Variants in FRY observed in about 807,000 individuals in gnomAD.
FRY encodes the protein protein furry homolog.
Under a neutral mutation model 348.4 loss-of-function variants are expected in FRY, and 128 were observed. That is an observed-to-expected ratio of 0.37 (90% CI 0.32 to 0.43). The LOEUF (loss-of-function observed/expected upper bound fraction) is 0.43. FRY is among the 20% of genes least tolerant of loss of function. The pLI is 1.00. For missense variants in FRY, 2,736 were observed against 3,695.2 expected, an observed-to-expected ratio of 0.74 and a Z score of 6.73; for synonymous variants, 1,370 against 1,374.7, an observed-to-expected ratio of 1.00 and a Z score of 0.08.
Position 32,142,378 on chromosome 13 carries a change from T to C in FRY, c.1180-4904T>C, listed in dbSNP as rs12585506. Among the ~76,000 whole-genome samples, 53 of 152,354 alleles carry C rather than the reference T, an allele frequency of 3.5e-4. No homozygotes were observed. The East Asian group carries it at 9.6e-3, about 28-fold the overall frequency. ...TGCTGTGAAAATTAAAATGAGTTAA[T>C]ATAAGTGCAGCATTGATTAAAATAA... is the stretch of plus-strand genomic sequence containing the variant. On this transcript the variant is annotated intron_variant, in intron 11 of 60. Coordinates refer to ENST00000542859, the MANE Select transcript of FRY (RefSeq NM_023037.3).
chr13:32,108,499 G>A (rs1461706580), intron 3 of FRY, among the ~76,000 whole-genome samples: 1 of 152,098 alleles, frequency 6.6e-6, no homozygotes, highest in Non-Finnish European at 1.5e-5. Flanking sequence ...TCAAAAACAG[G>A]CAAAAATATG....
At chr13:32,179,103 G>A (rs1882542597) in intron 22 of FRY, 70 bp downstream of exon 22, 1 of 1,209,738 alleles carries the variant, frequency 8.3e-7, no homozygotes, top group South Asian at 1.3e-5. Context: ...AGAGTTCACA[G>A]TGCAAATTGC....
chr13:32,209,835 CCAGTTAGT>C, intron 33 of FRY, 104 bp downstream of exon 33: 3 of 1,164,864 alleles, frequency 2.6e-6, no homozygotes, highest in Non-Finnish European at 3.8e-6. Flanking sequence ...ATAGAAATGT[CCAGTTAGT>C]CACATGAATC....
At chr13:32,221,381 C>T (rs935052306) in intron 36 of FRY, among the ~76,000 whole-genome samples, 16 of 152,198 alleles carry the variant, frequency 1.1e-4, no homozygotes, top group Non-Finnish European at 1.9e-4. Context: ...AAGAATAAAC[C>T]AGCTGGTCTG....
At chr13:32,278,364 A>C (rs913290167) in intron 57 of FRY, 101 bp from the exon 58 acceptor site, 14 of 751,438 alleles carry the variant, frequency 1.9e-5, no homozygotes, top group Non-Finnish European at 3.2e-5. Flanking sequence ...TCATTTTACT[A>C]TTATTAGAAC....
In FRY at chr13:32,209,680, G is replaced by A. The variant is rs1345261465; in HGVS notation, c.4371G>A (p.Gln1457=). The change falls in exon 33 of 61, where the codon CAG becomes CAA. Residue 1457 remains glutamine, a synonymous_variant. Transcript: ENST00000542859. The part of the protein sequence containing the change: ...KWSNNLRITL[Q]FLISLCGVSS... ...GCAACAACCTGAGGATCACCTTGCA[G>A]TTCCTGATTAGCCTCTGTGGGGTCA... The A allele has an allele frequency of 6.2e-7, 1 of 1,614,150 alleles. No homozygotes were observed. The highest frequency in any genetic ancestry group is 2.2e-5 in the East Asian group (1 of 44,890).
chr13:32,110,402 G>A (rs1877879495), intron 3 of FRY, among the ~76,000 whole-genome samples: 1 of 152,114 alleles, frequency 6.6e-6, no homozygotes, highest in African/African-American at 2.4e-5. Context: ...AGAAACAATA[G>A]CCAACAACAA....
At chr13:32,102,662 A>T (rs1237418440) in intron 3 of FRY, among the ~76,000 whole-genome samples, 1 of 152,214 alleles carries the variant, frequency 6.6e-6, no homozygotes, top group Non-Finnish European at 1.5e-5. Flanking sequence ...AGAACATTCA[A>T]CTCTAAACAG....
At chr13:32,039,787 A>G (rs1566040780) in intron 1 of FRY, among the ~76,000 whole-genome samples, 1 of 152,222 alleles carries the variant, frequency 6.6e-6, no homozygotes, top group East Asian at 1.9e-4. Context: ...ATTTCAGCTA[A>G]TACTTTTTAT....
chr13:32,234,865 A>C, intron 42 of FRY, 104 bp downstream of exon 42: 1 of 907,578 alleles, frequency 1.1e-6, no homozygotes, highest in East Asian at 2.5e-5. Flanking sequence ...TATTCCAGCC[A>C]TCTGGACATG....
chr13:32,278,020 G>A (rs1385603753), intron 57 of FRY, among the ~76,000 whole-genome samples: 1 of 152,206 alleles, frequency 6.6e-6, no homozygotes, highest in Middle Eastern at 3.2e-3. Flanking sequence ...TAGTGAAGGA[G>A]ATCTGCCCCA....
intron 34 of FRY, among the ~76,000 whole-genome samples, chr13:32,211,557 C>T (rs1273824581): frequency 6.6e-6 from 1 of 152,184 alleles, no homozygotes; most frequent in Non-Finnish European, 1.5e-5. Context: ...TCCTCCATCA[C>T]AGAACTTTGT....
At chr13:32,032,748 C>T (rs1396068062) in intron 1 of FRY, among the ~76,000 whole-genome samples, 1 of 152,238 alleles carries the variant, frequency 6.6e-6, no homozygotes, top group Non-Finnish European at 1.5e-5. Context: ...ATTTCACTAA[C>T]AGCCTTTGTA....
At chr13:32,078,443 G>A (rs1221960095) in intron 1 of FRY, among the ~76,000 whole-genome samples, 2 of 152,178 alleles carry the variant, frequency 1.3e-5, no homozygotes, top group African/African-American at 4.8e-5. Context: ...TGACCATGAG[G>A]AAAACCTGGA....
At chr13:32,072,789 T>C (rs1223210105) in intron 1 of FRY, among the ~76,000 whole-genome samples, 1 of 152,224 alleles carries the variant, frequency 6.6e-6, no homozygotes, top group Admixed American at 6.5e-5. Context: ...TCCCAGCTCT[T>C]GTTTACTAAC....
At chr13:32,270,499 G>A (rs758057292) in intron 55 of FRY, among the ~76,000 whole-genome samples, 4 of 152,186 alleles carry the variant, frequency 2.6e-5, no homozygotes, top group East Asian at 1.9e-4. Flanking sequence ...GCGCCACGGC[G>A]CCCGACCTCT....
chr13:32,050,664 C>T (rs538664903), intron 1 of FRY, among the ~76,000 whole-genome samples: 1 of 152,288 alleles, frequency 6.6e-6, no homozygotes, highest in East Asian at 1.9e-4. Flanking sequence ...AGTGCCTCCT[C>T]CCCACCCTTA....
chr13:32,218,921 C>A, intron 36 of FRY, 90 bp downstream of exon 36: 2 of 749,532 alleles, frequency 2.7e-6, no homozygotes, highest in Non-Finnish European at 4.8e-6. Context: ...GGTCTGATTA[C>A]TAAAAGGGCC....
Position 32,251,882 on chromosome 13 carries a change from G to C in FRY, c.7175G>C (p.Arg2392Thr). 1 of 1,610,906 alleles carries C rather than the reference G, an allele frequency of 6.2e-7. No individual in the cohort carries two copies. The change falls in exon 50 of 61, where the codon AGA (arginine) becomes ACA (threonine). Residue 2392 changes from arginine (R) to threonine (T), a missense_variant. Around this residue, in one of 9 missense-constraint regions of FRY, gnomAD observed 789 missense variants for 996.2 expected, o/e 0.79. Coordinates refer to ENST00000542859, the MANE Select transcript of FRY (RefSeq NM_023037.3). ...SWKRPQYSQKRTKEKLVHVLS... is the reference protein window; with the variant it reads ...SWKRPQYSQKTTKEKLVHVLS... ...TGCCTTGTGTTTCTTTTCCAGAAGAGAACAAAAGAGAAGTTGGTACATGTC... is the reference window on the plus strand; with the variant it reads ...TGCCTTGTGTTTCTTTTCCAGAAGACAACAAAAGAGAAGTTGGTACATGTC...
Sources: gnomAD v4.1 joint callset for allele counts (sites outside exome capture counted in the v4.1 genomes callset) on GRCh38, gnomAD v4.1.1 for gene constraint, gnomAD v4.1.1 regional missense constraint, MANE v1.5 for transcripts, NCBI Gene and HGNC (gene_info 2026-07-23, HGNC 2026-07-21) for gene names.